Variants in KPNA6 observed in about 807,000 individuals in gnomAD.
KPNA6 encodes importin subunit alpha-7.
Under a neutral mutation model 72.0 loss-of-function variants are expected in KPNA6, and 9 were observed. The observed-to-expected ratio is 0.13, with a 90% CI of 0.08 to 0.22. The LOEUF (loss-of-function observed/expected upper bound fraction) is 0.22, where lower values mean the gene tolerates loss of function less well. KPNA6 is among the 10% of genes least tolerant of loss of function. The pLI is 1.00. For synonymous variants in KPNA6, 219 were observed against 242.1 expected (o/e 0.90, Z 0.89); for missense variants, 374 against 655.7 (o/e 0.57, Z 4.69).
At chr1:32,148,526 T>A (rs774851064) in intron 1 of KPNA6, among the ~76,000 whole-genome samples, 6 of 151,998 alleles carry the variant, frequency 3.9e-5, no homozygotes, top group Non-Finnish European at 5.9e-5. Context: ...TCTTCTGCTC[T>A]TAGGACTCCC....
Position 32,173,176 on chromosome 1 carries a change from A to G in KPNA6, c.*2282A>G, listed in dbSNP as rs1048817353. On this transcript the variant is annotated 3_prime_UTR_variant, in exon 14 of 14. Transcript: ENST00000373625. ...AAAAAACCATTCTCTTACAGTTTAA[A>G]AAAAAAAAAAAAAAAAAAGCCTTCC... is the stretch of plus-strand genomic sequence containing the variant. 1.1e-5 allele frequency: 3 copies of G among 269,526 alleles called. No individual in the cohort carries two copies. Among genetic ancestry groups the G allele is most frequent in the Non-Finnish European group, 2.1e-5 (3 of 140,728 alleles). 16.7% of individuals were successfully genotyped at this position (269,526 alleles called of 1,614,324 possible).
At chr1:32,109,464 G>A (rs373544608) in intron 1 of KPNA6, among the ~76,000 whole-genome samples, 80 of 151,824 alleles carry the variant, frequency 5.3e-4, no homozygotes, top group African/African-American at 1.8e-3. Context: ...GAGCCACTGC[G>A]TCCAGCCTGT....
chr1:32,108,244 C>A, intron 1 of KPNA6, 110 bp downstream of exon 1: 1 of 1,503,224 alleles, frequency 6.7e-7, no homozygotes, highest in Non-Finnish European at 9.2e-7. Flanking sequence ...TCCCCTCTAG[C>A]TAGGTCTGAG....
At chr1:32,118,386 T>G (rs1569991457) in intron 1 of KPNA6, among the ~76,000 whole-genome samples, 2 of 152,176 alleles carry the variant, frequency 1.3e-5, no homozygotes, top group Non-Finnish European at 2.9e-5. Flanking sequence ...TCTCCCAGGC[T>G]GGGGTGCAGT....
intron 1 of KPNA6, among the ~76,000 whole-genome samples, chr1:32,115,768 C>T (rs112924885): frequency 5.3e-5 from 8 of 151,428 alleles, no homozygotes; most frequent in African/African-American, 1.7e-4. Context: ...CTTTTTGAGA[C>T]GGAGTCTCAC....
intron 10 of KPNA6, among the ~76,000 whole-genome samples, chr1:32,164,407 T>C (rs1642294129): frequency 6.6e-6 from 1 of 152,218 alleles, no homozygotes; most frequent in South Asian, 2.1e-4. Flanking sequence ...GTGGAATTGC[T>C]GGATCATGTT....
At position 32,108,092 on chromosome 1, in the gene KPNA6, C is replaced by G. The variant is rs374418387; in HGVS notation, c.-39C>G. On this transcript the variant is annotated 5_prime_UTR_variant, in exon 1 of 14. Coordinates refer to ENST00000373625, the MANE Select transcript of KPNA6 (RefSeq NM_012316.5). Reference sequence around the variant, plus strand: ...TGAAAGCTGCCGCTGAAGCTGCCGCCGTTGCCTCCGCCGCCAAGAGTGAGC... The same window carrying G: ...TGAAAGCTGCCGCTGAAGCTGCCGCGGTTGCCTCCGCCGCCAAGAGTGAGC... 3.7e-6 allele frequency: 6 copies of G among 1,613,666 alleles called. No individual in the cohort carries two copies. The highest frequency in any genetic ancestry group is 5.1e-6 in the Non-Finnish European group (6 of 1,179,784).
At chr1:32,169,589 G>T (rs1642399073) in intron 12 of KPNA6, among the ~76,000 whole-genome samples, 1 of 150,720 alleles carries the variant, frequency 6.6e-6, no homozygotes, top group African/African-American at 2.4e-5. Flanking sequence ...TGGGACTACA[G>T]GTGCCCGCCA....
At chr1:32,121,995 T>C (rs1244976233) in intron 1 of KPNA6, among the ~76,000 whole-genome samples, 3 of 146,730 alleles carry the variant, frequency 2.0e-5, no homozygotes, top group Non-Finnish European at 4.5e-5. Context: ...CAAGAGAGGC[T>C]GGGCGCGGTG....
At chr1:32,148,509 CTCTTTA>C (rs1019643404) in intron 1 of KPNA6, among the ~76,000 whole-genome samples, 13 of 150,504 alleles carry the variant, frequency 8.6e-5, no homozygotes, top group African/African-American at 3.2e-4. Flanking sequence ...AATATTCTAC[CTCTTTA>C]TCTTCTGCTC....
At chr1:32,117,169 T>A (rs1330190232) in intron 1 of KPNA6, among the ~76,000 whole-genome samples, 2 of 143,808 alleles carry the variant, frequency 1.4e-5, no homozygotes, top group Admixed American at 1.4e-4. Context: ...CTTCAATTTG[T>A]TTTTTTTTGT....
intron 1 of KPNA6, among the ~76,000 whole-genome samples, chr1:32,111,277 A>G (rs1427208463): frequency 1.3e-5 from 2 of 152,224 alleles, no homozygotes. Flanking sequence ...CAAAGCCAGG[A>G]GTAAGATTCT....
intron 2 of KPNA6, 106 bp downstream of exon 2, chr1:32,154,827 G>A: frequency 8.6e-7 from 1 of 1,165,884 alleles, no homozygotes; most frequent in South Asian, 1.5e-5. Flanking sequence ...TAGCTTACTA[G>A]GTGGGCATGG....
chr1:32,134,067 A>C (rs547038325), intron 1 of KPNA6, among the ~76,000 whole-genome samples: 1 of 151,744 alleles, frequency 6.6e-6, no homozygotes, highest in African/African-American at 2.4e-5. Context: ...ACATGGTGAA[A>C]CCTCGTCTCT....
intron 1 of KPNA6, among the ~76,000 whole-genome samples, chr1:32,129,083 G>A (rs1440044191): frequency 6.6e-6 from 1 of 151,718 alleles, no homozygotes; most frequent in East Asian, 1.9e-4. Flanking sequence ...ATCCAGCACA[G>A]CTACCTTCTG....
intron 3 of KPNA6, 81 bp downstream of exon 3, chr1:32,157,026 A>T: frequency 1.0e-6 from 1 of 996,066 alleles, no homozygotes; most frequent in East Asian, 2.4e-5. Context: ...CACATCATCT[A>T]CCAGCTTTGC....
intron 1 of KPNA6, among the ~76,000 whole-genome samples, chr1:32,131,091 C>T (rs1457299117): frequency 1.3e-5 from 2 of 151,694 alleles, no homozygotes; most frequent in Non-Finnish European, 2.9e-5. Flanking sequence ...GTCAGCAATT[C>T]GAGACCAGCC....
chr1:32,158,404 T>G (rs539675705), intron 5 of KPNA6, 43 bp downstream of exon 5: 123 of 1,231,568 alleles, frequency 1.0e-4, no homozygotes, highest in African/African-American at 1.9e-4. Flanking sequence ...TTTTAATTTT[T>G]GGGGGATACA....
In KPNA6 at chr1:32,161,973, C is replaced by T. The variant is rs1011650844; in HGVS notation, c.674C>T (p.Thr225Met). The T allele has an allele frequency of 6.8e-6, 11 of 1,613,898 alleles. No individual in the cohort carries two copies. Among genetic ancestry groups the T allele is most frequent in the Admixed American group, 3.3e-5 (2 of 59,974 alleles). ...LTLLTKSTRL[T>M]MTRNAVWALS... ...CTCCTTACCAAGTCCACACGACTGA[C>T]GATGACACGGAATGCAGTCTGGGCC... is the stretch of plus-strand genomic sequence containing the variant. Residue 225 changes from threonine to methionine, a missense_variant, in exon 8 of 14, where the codon ACG (threonine) becomes ATG (methionine). Coordinates refer to ENST00000373625, the MANE Select transcript of KPNA6 (RefSeq NM_012316.5).
Sources: gnomAD v4.1 joint callset for allele counts (sites outside exome capture counted in the v4.1 genomes callset) on GRCh38, gnomAD v4.1.1 for gene constraint, MANE v1.5 for transcripts, NCBI Gene and HGNC (gene_info 2026-07-23, HGNC 2026-07-21) for gene names.